Variants in FIGN observed in about 807,000 individuals in gnomAD.
FIGN encodes the protein fidgetin.
In FIGN, 11 loss-of-function variants were observed where a neutral mutation model predicts 51.3. That is an observed-to-expected ratio of 0.21 (90% CI 0.13 to 0.35). The LOEUF (loss-of-function observed/expected upper bound fraction) is 0.35. Among genes scored for constraint, FIGN ranks in the 10% least tolerant of loss-of-function variants. The pLI is 1.00. For missense variants in FIGN, 857 were observed against 943.6 expected, an observed-to-expected ratio of 0.91 and a Z score of 1.20; for synonymous variants, 407 against 363.2, an observed-to-expected ratio of 1.12 and a Z score of -1.37.
At chr2:163,702,886 T>A (rs1276612479) in intron 2 of FIGN, among the ~76,000 whole-genome samples, 2 of 152,268 alleles carry the variant, frequency 1.3e-5, no homozygotes, top group Admixed American at 6.5e-5. Flanking sequence ...GTACCAATTA[T>A]CCCAGTATTT....
At chr2:163,643,650 CA>C (rs60064980) in intron 2 of FIGN, among the ~76,000 whole-genome samples, 5,840 of 99,314 alleles carry the variant, frequency 0.059, 168 homozygotes, top group East Asian at 0.2. Context: ...GACTCAGTCT[CA>C]AAAAAAAAAA....
intron 2 of FIGN, among the ~76,000 whole-genome samples, chr2:163,649,696 T>C (rs144911805): frequency 6.6e-6 from 1 of 152,330 alleles, no homozygotes; most frequent in East Asian, 1.9e-4. Flanking sequence ...TGAAATGTTA[T>C]TGTTTTAAGC....
In FIGN at chr2:163,660,877, A is replaced by ATTT. The variant is rs1559012631; in HGVS notation, c.26-49072_26-49071insAAA. The stretch of plus-strand genomic sequence containing the variant: ...TGTATACATATATATATATATATAT[A>ATTT]TATTTTTTTTTTTTTTTTTTTTTTT... On this transcript the variant is annotated intron_variant, in intron 2 of 2. Coordinates refer to ENST00000333129, the MANE Select transcript of FIGN (RefSeq NM_018086.4). Among the ~76,000 whole-genome samples the ATTT allele has an allele frequency of 7.9e-5, 2 of 25,158 alleles. 1 individual carries two copies. Among genetic ancestry groups the ATTT allele is most frequent in the African/African-American group, 3.6e-4 (2 of 5,556 alleles). The allele number at this position is 25,158 out of a possible 152,430, so 16.5% of individuals were successfully genotyped here.
intron 2 of FIGN, among the ~76,000 whole-genome samples, chr2:163,693,358 G>A (rs1559023102): frequency 6.6e-6 from 1 of 152,154 alleles, no homozygotes. Flanking sequence ...GCAAGAGTGA[G>A]AAGGATTAAG....
chr2:163,622,504 G>A (rs1475386827), intron 2 of FIGN, among the ~76,000 whole-genome samples: 2 of 151,882 alleles, frequency 1.3e-5, no homozygotes, highest in Admixed American at 1.3e-4. Context: ...AGCAGTGTTT[G>A]CTAATAATTT....
chr2:163,624,984 ATC>A (rs1683033208), intron 2 of FIGN, among the ~76,000 whole-genome samples: 1 of 151,960 alleles, frequency 6.6e-6, no homozygotes, highest in Admixed American at 6.6e-5. Context: ...TATTGCAATA[ATC>A]TCTTTTTTTC....
intron 2 of FIGN, among the ~76,000 whole-genome samples, chr2:163,681,037 T>G (rs1464472695): frequency 6.6e-6 from 1 of 152,210 alleles, no homozygotes; most frequent in Non-Finnish European, 1.5e-5. Context: ...TACGATCACT[T>G]CACAGAAAAT....
chr2:163,691,679 A>T (rs1426202386), intron 2 of FIGN, among the ~76,000 whole-genome samples: 5 of 152,158 alleles, frequency 3.3e-5, no homozygotes, highest in Non-Finnish European at 7.3e-5. Flanking sequence ...GTTAACAAAT[A>T]TTTCATGTTA....
intron 2 of FIGN, among the ~76,000 whole-genome samples, chr2:163,725,710 AACAAG>A (rs976861799): frequency 6.6e-6 from 1 of 152,144 alleles, no homozygotes; most frequent in African/African-American, 2.4e-5. Flanking sequence ...AACAAAATAA[AACAAG>A]ACAAAAATTA....
chr2:163,701,786 A>C (rs1413415515), intron 2 of FIGN, among the ~76,000 whole-genome samples: 1 of 152,188 alleles, frequency 6.6e-6, no homozygotes, highest in African/African-American at 2.4e-5. Context: ...TTACCAGTCG[A>C]GTCAGCTCTG....
intron 2 of FIGN, among the ~76,000 whole-genome samples, chr2:163,723,049 G>A (rs938954575): frequency 1.3e-5 from 2 of 151,764 alleles, no homozygotes; most frequent in African/African-American, 4.8e-5. Context: ...TTAGCCGAGC[G>A]TGGTGGTGGC....
chr2:163,693,129 T>C (rs1178695690), intron 2 of FIGN, among the ~76,000 whole-genome samples: 1 of 152,176 alleles, frequency 6.6e-6, no homozygotes, highest in Admixed American at 6.5e-5. Context: ...AAACCACACC[T>C]CTAATTTCCA....
At chr2:163,635,108 G>A (rs1683205891) in intron 2 of FIGN, among the ~76,000 whole-genome samples, 1 of 152,140 alleles carries the variant, frequency 6.6e-6, no homozygotes, top group African/African-American at 2.4e-5. Context: ...CTATGTGTAT[G>A]CTTAATTTCA....
intron 2 of FIGN, among the ~76,000 whole-genome samples, chr2:163,691,654 GC>G (rs1415157906): frequency 6.6e-6 from 1 of 152,070 alleles, no homozygotes; most frequent in East Asian, 1.9e-4. Flanking sequence ...CTTCAATTCA[GC>G]CAGATTTAAT....
intron 2 of FIGN, among the ~76,000 whole-genome samples, chr2:163,728,160 T>TG (rs1684867151): frequency 6.6e-6 from 1 of 152,146 alleles, no homozygotes; most frequent in Non-Finnish European, 1.5e-5. Context: ...CAAGGTTATT[T>TG]GGGGGTCTGC....
At chr2:163,626,506 C>A (rs1436068678) in intron 2 of FIGN, among the ~76,000 whole-genome samples, 1 of 151,886 alleles carries the variant, frequency 6.6e-6, no homozygotes, top group Admixed American at 6.6e-5. Context: ...ACAAAAGAGA[C>A]CACAAGATGT....
chr2:163,715,666 A>G (rs1200502282), intron 2 of FIGN, among the ~76,000 whole-genome samples: 1 of 152,162 alleles, frequency 6.6e-6, no homozygotes, highest in African/African-American at 2.4e-5. Flanking sequence ...ACATACAAGA[A>G]ATAAACATTT....
chr2:163,703,814 G>A lies in FIGN; in HGVS notation c.25+31089C>T, dbSNP rs141501465. ...CAGCTACACATCGTAACCCCAAAAT[G>A]GAGATTTCATAAACAAAAGAATCTC... On this transcript the variant is annotated intron_variant, in intron 2 of 2. Coordinates refer to ENST00000333129, the MANE Select transcript of FIGN (RefSeq NM_018086.4). Among the ~76,000 whole-genome samples the A allele has an allele frequency of 1.6e-3, 239 of 152,084 alleles. 1 individual carries two copies. Among genetic ancestry groups the A allele is most frequent in the African/African-American group, 5.6e-3 (233 of 41,498 alleles).
chr2:163,696,823 G>A (rs573154968), intron 2 of FIGN, among the ~76,000 whole-genome samples: 4 of 149,186 alleles, frequency 2.7e-5, no homozygotes, highest in African/African-American at 7.5e-5. Flanking sequence ...GCACACCACC[G>A]TGTCTGGCTA....
Sources: allele counts gnomAD v4.1 joint callset (sites outside exome capture counted in the v4.1 genomes callset), GRCh38; gene constraint gnomAD v4.1.1; transcripts MANE v1.5; gene names NCBI Gene and HGNC (gene_info 2026-07-23, HGNC 2026-07-21).